Variants in PTPRU observed in about 807,000 individuals in gnomAD.
The protein encoded by PTPRU is protein tyrosine phosphatase receptor type U.
A neutral mutation model predicts 166.3 loss-of-function variants in PTPRU; 69 were observed. The observed-to-expected ratio is 0.41, with a 90% CI of 0.34 to 0.51. The LOEUF is 0.51. Among genes scored for constraint, PTPRU ranks in the 20% least tolerant of loss-of-function variants. The pLI, the probability that PTPRU is intolerant of heterozygous loss-of-function variation, is 0.09. For missense variants in PTPRU, 1,657 were observed against 2,013.7 expected (o/e 0.82, Z 3.39); for synonymous variants, 793 against 814.0 (o/e 0.97, Z 0.44).
intron 15 of PTPRU, among the ~76,000 whole-genome samples, chr1:29,303,533 T>C (rs6683407): frequency 0.32 from 48,129 of 152,164 alleles, 10,126 homozygotes; most frequent in East Asian, 0.58. Context: ...CTCTGCGGAG[T>C]GCTGCCTTCT....
chr1:29,259,749 C>T, intron 5 of PTPRU, 121 bp from the exon 6 acceptor site: 1 of 1,317,440 alleles, frequency 7.6e-7, no homozygotes, highest in Non-Finnish European at 1.0e-6. Flanking sequence ...GGTTAGAGCG[C>T]GGCTCCAGGA....
intron 18 of PTPRU, among the ~76,000 whole-genome samples, chr1:29,310,185 G>C (rs990107027): frequency 5.3e-5 from 8 of 152,256 alleles, no homozygotes; most frequent in African/African-American, 1.9e-4. Context: ...TTTTATCCAA[G>C]GGCCATGAGT....
intron 15 of PTPRU, 23 bp from the exon 16 acceptor site, chr1:29,303,832 C>T (rs1403945080): frequency 6.3e-7 from 1 of 1,586,570 alleles, no homozygotes; most frequent in Admixed American, 1.7e-5. Flanking sequence ...GTCAAGAACC[C>T]TTTTGTCTTT....
rs756835489 is a variant in PTPRU at position 29,323,444 on chromosome 1, CA to C, written c.3903del (p.Ala1302LeufsTer5). ...ATGGAGGTGGAGTTTATGTCGGGCA[CA>C]GCTGATGAAGACTTAGTGGCTCGAG... is the stretch of plus-strand genomic sequence containing the variant. ...GLMEVEFMSG[T>X]ADEDLVARVF... is the part of the protein sequence containing the mutation. On this transcript the variant is annotated frameshift_variant, in exon 27 of 30. Coordinates refer to ENST00000373779, the MANE Select transcript of PTPRU (RefSeq NM_133178.4). LOFTEE classifies it high-confidence loss of function. The C allele has an allele frequency of 6.2e-7, 1 of 1,609,652 alleles. No individual in the cohort carries two copies.
At chr1:29,277,946 G>A (rs894336342) in intron 8 of PTPRU, among the ~76,000 whole-genome samples, 7 of 150,162 alleles carry the variant, frequency 4.7e-5, no homozygotes, top group Non-Finnish European at 1.0e-4. Flanking sequence ...AGCCTGTCGA[G>A]TAACTGGGAT....
intron 2 of PTPRU, among the ~76,000 whole-genome samples, chr1:29,256,050 T>C (rs1684759686): frequency 6.6e-6 from 1 of 152,186 alleles, no homozygotes; most frequent in African/African-American, 2.4e-5. Flanking sequence ...TCAAACCCTG[T>C]CTCCAGTCAC....
chr1:29,261,028 C>T (rs112759601), intron 7 of PTPRU, 125 bp downstream of exon 7: 1 of 1,129,976 alleles, frequency 8.8e-7, no homozygotes. Context: ...TTTCCTCAAC[C>T]CTTGTTATGG....
Position 29,296,158 on chromosome 1 carries a change from G to T in PTPRU, c.2476+4132G>T, listed in dbSNP as rs942384856. Among the ~76,000 whole-genome samples the T allele has an allele frequency of 3.3e-5, 5 of 151,982 alleles. No individual in the cohort carries two copies. In the South Asian group the frequency reaches 8.3e-4, roughly 25 times the overall value. On this transcript the variant is annotated intron_variant, in intron 15 of 29. Transcript: ENST00000373779. ...CCATGTTTTTTTGGCTGGGACCTCC[G>T]GTACTGTGTTGAATAGACTGGTTGT...
chr1:29,305,670 A>G, intron 18 of PTPRU: 1 of 699,644 alleles, frequency 1.4e-6, no homozygotes, highest in Non-Finnish European at 2.6e-6. Context: ...GAAGCAAAGC[A>G]AAGGGAAGAG....
intron 2 of PTPRU, 139 bp downstream of exon 2, chr1:29,255,545 C>T (rs1684742187): frequency 3.9e-6 from 5 of 1,274,264 alleles, no homozygotes; most frequent in East Asian, 2.4e-5. Flanking sequence ...ATACGTGACA[C>T]TGAATGTGGC....
intron 7 of PTPRU, among the ~76,000 whole-genome samples, chr1:29,272,906 CAAAAAAAA>C (rs57076551): frequency 7.3e-5 from 4 of 54,666 alleles, no homozygotes; most frequent in African/African-American, 2.0e-4. Flanking sequence ...GACCTTGTCT[CAAAAAAAA>C]AAAAAAAAAA....
chr1:29,315,128 T>C lies in PTPRU; in HGVS notation c.3228-244T>C, dbSNP rs1225941761. Among the ~76,000 whole-genome samples the C allele has an allele frequency of 6.6e-6, 1 of 152,058 alleles. No individual in the cohort carries two copies. Among genetic ancestry groups the C allele is most frequent in the Non-Finnish European group, 1.5e-5 (1 of 68,008 alleles). On this transcript the variant is annotated intron_variant, in intron 22 of 29. Coordinates refer to ENST00000373779, the MANE Select transcript of PTPRU (RefSeq NM_133178.4). This position sits in a 1 kb window ranked among gnomAD's most constrained non-coding sequence, Gnocchi z 4.5. Reference sequence around the variant, plus strand: ...GGTTGAGCCAGTGTCACCTTTGCATTCTCCCCACCCTCTCTCCTCTCCTTC... The same window carrying C: ...GGTTGAGCCAGTGTCACCTTTGCATCCTCCCCACCCTCTCTCCTCTCCTTC...
At chr1:29,253,641 T>C (rs1684649292) in intron 1 of PTPRU, among the ~76,000 whole-genome samples, 2 of 151,980 alleles carry the variant, frequency 1.3e-5, no homozygotes, top group Admixed American at 1.3e-4. Context: ...AAACTGCAAT[T>C]ACTTTTGCAC....
chr1:29,303,998 A>T lies in PTPRU; in HGVS notation c.2620A>T (p.Asn874Tyr). The change falls in exon 16 of 30, where the codon AAC (asparagine) becomes TAC (tyrosine). Residue 874 changes from asparagine to tyrosine, a missense_variant. Transcript: ENST00000373779. ...TGTCGCAGACCTTCTGCAGCACATCAACCAGATGAAGACGGCCGAGGGTTA... is the reference window on the plus strand; with the variant it reads ...TGTCGCAGACCTTCTGCAGCACATCTACCAGATGAAGACGGCCGAGGGTTA... ...VRVADLLQHI[N>Y]QMKTAEGYGF... 6.2e-7 allele frequency: 1 copy of T among 1,612,832 alleles called. No homozygotes were observed. The highest frequency in any genetic ancestry group is 8.5e-7 in the Non-Finnish European group (1 of 1,179,390).
intron 1 of PTPRU, among the ~76,000 whole-genome samples, chr1:29,241,889 G>A (rs367914169): frequency 1.3e-3 from 194 of 146,326 alleles, no homozygotes; most frequent in African/African-American, 4.7e-3. Flanking sequence ...CACAGCGCAC[G>A]GCCTTTTCTT....
intron 18 of PTPRU, chr1:29,305,729 G>A (rs1234779781): frequency 3.6e-6 from 2 of 553,550 alleles, no homozygotes; most frequent in African/African-American, 1.9e-5. Flanking sequence ...ATGGAGAATG[G>A]GATTCTCATC....
intron 7 of PTPRU, among the ~76,000 whole-genome samples, chr1:29,270,011 T>C (rs1037991956): frequency 6.6e-6 from 1 of 152,204 alleles, no homozygotes; most frequent in African/African-American, 2.4e-5. Context: ...TAATACTATA[T>C]TGAGAAACCT....
Position 29,280,116 on chromosome 1 carries a change from G to A in PTPRU, c.1843G>A (p.Ala615Thr), listed in dbSNP as rs1217243583. The change falls in exon 11 of 30, where the codon GCA becomes ACA. Residue 615 changes from alanine (A) to threonine (T), a missense_variant. By Grantham distance (58) the Ala-to-Thr change is moderately conservative. This residue lies in a region of PTPRU where 1,190 missense variants were observed against 1,477.4 expected (regional missense o/e 0.81). Coordinates refer to ENST00000373779, the MANE Select transcript of PTPRU (RefSeq NM_133178.4). This position sits in a 1 kb window ranked among gnomAD's most constrained non-coding sequence, Gnocchi z 4.2. ...ENTITVLLRP[A>T]QGRGAPISVY... Reference sequence around the variant, plus strand: ...CACCATCACCGTGCTGCTGAGGCCGGCACAGGGCCGCGGTGCGCCCATCAG... The same window carrying A: ...CACCATCACCGTGCTGCTGAGGCCGACACAGGGCCGCGGTGCGCCCATCAG... 2 of 1,613,054 alleles carry A rather than the reference G, an allele frequency of 1.2e-6. No homozygotes were observed. The highest frequency in any genetic ancestry group is 8.5e-7 in the Non-Finnish European group (1 of 1,179,800).
Position 29,325,588 on chromosome 1 carries a change from C to G in PTPRU, c.4249-11C>G, listed in dbSNP as rs1171143649. The stretch of plus-strand genomic sequence containing the variant: ...AGGCTCATGATTCCCTCCCTCTCTT[C>G]CTCTCCCCAGGATCAGTACCACTTT... On this transcript the variant is annotated splice_polypyrimidine_tract_variant and intron_variant, in intron 29 of 29. Transcript: ENST00000373779. 1 of 1,606,734 alleles carries G rather than the reference C, an allele frequency of 6.2e-7. No homozygotes were observed.
Sources: allele counts gnomAD v4.1 joint callset (sites outside exome capture counted in the v4.1 genomes callset), GRCh38; gene constraint gnomAD v4.1.1; regional missense constraint gnomAD v4.1.1; non-coding constraint Gnocchi (gnomAD v3.1); transcripts MANE v1.5; gene names NCBI Gene and HGNC (gene_info 2026-07-23, HGNC 2026-07-21).